Variants in C10orf90 observed in about 807,000 individuals in gnomAD.
C10orf90 encodes chromosome 10 open reading frame 90.
Under a neutral mutation model 62.5 loss-of-function variants are expected in C10orf90, and 56 were observed. The ratio of observed to expected loss-of-function variants is 0.90; its 90% CI spans 0.72 to 1.12. The LOEUF (loss-of-function observed/expected upper bound fraction) is 1.12. Among genes scored for constraint, C10orf90 ranks in the 50% most tolerant of loss-of-function variants. C10orf90 has a pLI of 0.00. For missense variants in C10orf90, 970 were observed against 880.4 expected, an observed-to-expected ratio of 1.10 and a Z score of -1.29; for synonymous variants, 386 against 340.4, an observed-to-expected ratio of 1.13 and a Z score of -1.47.
At chr10:126,489,263 A>G (rs532216662) in intron 4 of C10orf90, among the ~76,000 whole-genome samples, 1 of 152,264 alleles carries the variant, frequency 6.6e-6, no homozygotes, top group South Asian at 2.1e-4. Flanking sequence ...TAAAATGAAG[A>G]AAGAAAATCC....
At chr10:126,577,270 ATTAT>A (rs1186128907) in intron 2 of C10orf90, among the ~76,000 whole-genome samples, 1 of 151,994 alleles carries the variant, frequency 6.6e-6, no homozygotes, top group Non-Finnish European at 1.5e-5. Context: ...ATGTACAATT[ATTAT>A]TTGTCAATTA....
At chr10:126,452,230 C>T (rs1005300088) in intron 7 of C10orf90, among the ~76,000 whole-genome samples, 8 of 151,734 alleles carry the variant, frequency 5.3e-5, no homozygotes, top group East Asian at 3.9e-4. Flanking sequence ...TGAAACAAAA[C>T]GTGGGCGTAT....
intron 2 of C10orf90, among the ~76,000 whole-genome samples, chr10:126,514,208 C>T (rs1361159604): frequency 6.6e-6 from 1 of 152,130 alleles, no homozygotes. Context: ...GTCACAATTG[C>T]ATAATTTTAG....
chr10:126,474,476 C>T (rs1442512025), intron 4 of C10orf90, among the ~76,000 whole-genome samples: 1 of 152,130 alleles, frequency 6.6e-6, no homozygotes, highest in Non-Finnish European at 1.5e-5. Flanking sequence ...TTCAACTACT[C>T]TCAGAAAAAG....
chr10:126,432,548 A>G (rs1857648587), intron 7 of C10orf90, among the ~76,000 whole-genome samples: 1 of 152,214 alleles, frequency 6.6e-6, no homozygotes, highest in Non-Finnish European at 1.5e-5. Flanking sequence ...GGGGGAATGG[A>G]GAGGCAAGAA....
chr10:126,438,901 T>G (rs1265608388), intron 7 of C10orf90, among the ~76,000 whole-genome samples: 1 of 151,886 alleles, frequency 6.6e-6, no homozygotes, highest in Non-Finnish European at 1.5e-5. Flanking sequence ...ACCCTGGAGT[T>G]GTGTTCCCTC....
At chr10:126,525,342 A>G (rs1321179296) in intron 2 of C10orf90, among the ~76,000 whole-genome samples, 1 of 152,238 alleles carries the variant, frequency 6.6e-6, no homozygotes, top group African/African-American at 2.4e-5. Flanking sequence ...CAGATTCATT[A>G]TGTAAACAAG....
At chr10:126,639,603 G>C (rs921554874) in intron 2 of C10orf90, among the ~76,000 whole-genome samples, 4 of 152,114 alleles carry the variant, frequency 2.6e-5, no homozygotes, top group Non-Finnish European at 5.9e-5. Flanking sequence ...TGTCCACCCC[G>C]ATGTCTGATT....
At chr10:126,490,050 TTA>T (rs1305985112) in intron 4 of C10orf90, among the ~76,000 whole-genome samples, 3 of 94,804 alleles carry the variant, frequency 3.2e-5, no homozygotes, top group African/African-American at 7.7e-5. Context: ...ATATTATATA[TTA>T]TGTTATATAA....
At chr10:126,517,908 CAAAAAA>C (rs34182199) in intron 2 of C10orf90, among the ~76,000 whole-genome samples, 1 of 80,840 alleles carries the variant, frequency 1.2e-5, no homozygotes, top group African/African-American at 4.9e-5. Context: ...GACTCCATCT[CAAAAAA>C]AAAAAAAAAA....
intron 2 of C10orf90, among the ~76,000 whole-genome samples, chr10:126,574,862 G>T (rs1958114019): frequency 6.6e-6 from 1 of 152,192 alleles, no homozygotes; most frequent in East Asian, 1.9e-4. Flanking sequence ...AACTAAGCCT[G>T]GTTAGTATTT....
chr10:126,548,676 T>A (rs1864561164), intron 2 of C10orf90, among the ~76,000 whole-genome samples: 1 of 151,774 alleles, frequency 6.6e-6, no homozygotes, highest in Admixed American at 6.6e-5. Flanking sequence ...CAAGATCCCA[T>A]CTTTACCAAA....
At chr10:126,560,568 G>A (rs1054687848) in intron 2 of C10orf90, among the ~76,000 whole-genome samples, 5 of 152,200 alleles carry the variant, frequency 3.3e-5, no homozygotes, top group African/African-American at 9.6e-5. Flanking sequence ...GGGCATCATC[G>A]AAAATGTAAC....
At chr10:126,518,920 G>T (rs557179866) in intron 2 of C10orf90, among the ~76,000 whole-genome samples, 4 of 152,300 alleles carry the variant, frequency 2.6e-5, no homozygotes, top group Admixed American at 2.6e-4. Flanking sequence ...GTGTGTTTCA[G>T]CAACAGAATC....
chr10:126,507,391 G>A (rs1023546798), intron 3 of C10orf90, among the ~76,000 whole-genome samples: 1 of 147,092 alleles, frequency 6.8e-6, no homozygotes, highest in African/African-American at 2.5e-5. Flanking sequence ...ATGGGGAATT[G>A]TACATTCAAA....
intron 2 of C10orf90, among the ~76,000 whole-genome samples, chr10:126,598,850 CTG>C (rs1845137501): frequency 1.3e-5 from 2 of 152,274 alleles, no homozygotes; most frequent in African/African-American, 2.4e-5. Context: ...GTCAGGCTGA[CTG>C]TGCTTTTTTC....
intron 2 of C10orf90, among the ~76,000 whole-genome samples, chr10:126,519,876 C>A (rs7902604): frequency 0.08 from 12,127 of 152,116 alleles, 1,576 homozygotes; most frequent in African/African-American, 0.27. Flanking sequence ...CCAATCCAGC[C>A]GAGGAGAGGC....
At chr10:126,483,423 CT>C (rs1452559376) in intron 4 of C10orf90, among the ~76,000 whole-genome samples, 10 of 152,218 alleles carry the variant, frequency 6.6e-5, no homozygotes, top group African/African-American at 2.4e-4. Context: ...AAAATCCTCT[CT>C]CAATCCTTTC....
Position 126,504,638 on chromosome 10 carries a change from G to A in C10orf90, c.853C>T (p.Arg285Trp), listed in dbSNP as rs774981808. Reference sequence around the variant, plus strand: ...GTGCAGGCAAAAGATCTCTGATGCCGACCTGGATGGGCGCCATTGGCCAGA... The same window carrying A: ...GTGCAGGCAAAAGATCTCTGATGCCAACCTGGATGGGCGCCATTGGCCAGA... ...PALANGAHPG[R>W]HQRSFACTEF... The change falls in exon 4 of 10, where the codon CGG (arginine) becomes TGG (tryptophan). Residue 285 changes from arginine (R) to tryptophan (W), a missense_variant. Coordinates refer to ENST00000488181, the MANE Select transcript of C10orf90 (RefSeq NM_001350921.2). The surrounding 1 kb of genome is among the most constrained non-coding windows in gnomAD (Gnocchi z 4.1). 8.7e-6 allele frequency: 14 copies of A among 1,614,092 alleles called. No homozygotes were observed. Among genetic ancestry groups the A allele is most frequent in the South Asian group, 3.3e-5 (3 of 91,086 alleles).
Sources: gnomAD v4.1 joint callset for allele counts (sites outside exome capture counted in the v4.1 genomes callset) on GRCh38, gnomAD v4.1.1 for gene constraint, Gnocchi (gnomAD v3.1) non-coding constraint, MANE v1.5 for transcripts, NCBI Gene and HGNC (gene_info 2026-07-23, HGNC 2026-07-21) for gene names.